The following COG4 variants were observed in gnomAD, a reference collection of about 807,000 sequenced individuals.
COG4 encodes the protein conserved oligomeric Golgi complex subunit 4.
Under a neutral mutation model 95.1 loss-of-function variants are expected in COG4, and 65 were observed. The ratio of observed to expected loss-of-function variants is 0.68; its 90% confidence interval spans 0.56 to 0.84. The LOEUF is 0.84. Ranked by LOEUF, COG4 falls within the 40% of genes least tolerant of loss-of-function variation. The pLI, the probability that COG4 is intolerant of heterozygous loss-of-function variation, is 0.00. For synonymous variants in COG4, 421 were observed against 374.8 expected (o/e 1.12, Z -1.42); for missense variants, 1,045 against 989.1 (o/e 1.06, Z -0.76).
intron 1 of COG4, among the ~76,000 whole-genome samples, chr16:70,519,947 A>G (rs537088985): frequency 8.5e-5 from 13 of 152,158 alleles, no homozygotes; most frequent in Non-Finnish European, 1.6e-4. Flanking sequence ...TGAGCACCAT[A>G]ATAGGAAGAA....
Position 70,497,231 on chromosome 16 carries a change from A to T in COG4, c.1471T>A (p.Ser491Thr). The T allele has an allele frequency of 1.2e-6, 2 of 1,614,072 alleles. No individual in the cohort carries two copies. The highest frequency in any genetic ancestry group is 1.7e-6 in the Non-Finnish European group (2 of 1,179,996). ...GGGAGTCAACTGTACCTGAAGTCAG[A>T]CTCCAGCTCTGTGGTGGCGAGGTTG... Reference protein sequence around the residue: ...MINLATTELESDFRDVLCNKL... With the variant: ...MINLATTELETDFRDVLCNKL... The change falls in exon 11 of 19, where the codon TCT (serine) becomes ACT (threonine). Residue 491 changes from serine to threonine, a missense_variant. Ser to Thr is a moderately conservative substitution (Grantham distance 58). Transcript: ENST00000323786.
Position 70,519,672 on chromosome 16 carries a change from C to G in COG4, c.231G>C (p.Lys77Asn), listed in dbSNP as rs1433304567. The stretch of plus-strand genomic sequence containing the variant: ...ACCCCATTCGGTGGAGAGTGACCAT[C>G]TTACTTTCAATGGTGTTTTGCTGTT... The part of the protein sequence containing the change: ...LLEQQNTIES[K>N]MVTLHRMGPN... Residue 77 changes from lysine (K) to asparagine (N), a missense_variant, in exon 2 of 19, where the codon AAG becomes AAC. Physicochemically the swap from Lys to Asn is moderately conservative, Grantham distance 94. Coordinates refer to ENST00000323786, the MANE Select transcript of COG4 (RefSeq NM_015386.3). The G allele has an allele frequency of 6.2e-7, 1 of 1,613,696 alleles. No individual in the cohort carries two copies. The highest frequency in any genetic ancestry group is 1.7e-5 in the Admixed American group (1 of 60,010).
At chr16:70,519,507 A>C in intron 2 of COG4, 142 bp downstream of exon 2, 1 of 701,860 alleles carries the variant, frequency 1.4e-6, no homozygotes, top group Non-Finnish European at 2.6e-6. Flanking sequence ...TAATACCCTT[A>C]GGTGTTCACT....
At chr16:70,500,169 C>T (rs895088268) in intron 9 of COG4, among the ~76,000 whole-genome samples, 1 of 151,452 alleles carries the variant, frequency 6.6e-6, no homozygotes, top group Admixed American at 6.6e-5. Context: ...AGGGTCTTGT[C>T]ATGTTGCCCA....
At position 70,482,719 on chromosome 16, in the gene COG4, C is replaced by T. The variant is rs2049023396; in HGVS notation, c.1920+10G>A. ...ATCGGGGCTTGATGGCTGCCTGTGG[C>T]CAGGCTAACCTCCTCGATGTTGTGG... is the stretch of plus-strand genomic sequence containing the variant. On this transcript the variant is annotated intron_variant, in intron 15 of 18. Coordinates refer to ENST00000323786, the MANE Select transcript of COG4 (RefSeq NM_015386.3). The T allele has an allele frequency of 8.1e-6, 13 of 1,611,118 alleles. No homozygotes were observed. Among genetic ancestry groups the T allele is most frequent in the Non-Finnish European group, 9.3e-6 (11 of 1,177,606 alleles).
In COG4 at chr16:70,517,687, G is replaced by A; in HGVS notation, c.308C>T (p.Thr103Ile). The change falls in exon 3 of 19, where the codon ACC becomes ATC. Residue 103 changes from threonine (T) to isoleucine (I), a missense_variant. Thr to Ile is a moderately conservative substitution (Grantham distance 89). Transcript: ENST00000323786. ...ATTCTCAGCCAGGTTGCAGGTAAAG[G>A]TGATCATTCCAGCCAGCTGCTTTGC... ...GDAKQLAGMI[T>I]FTCNLAENVS... is the part of the protein sequence containing the mutation. The A allele has an allele frequency of 1.2e-6, 2 of 1,613,630 alleles. No individual in the cohort carries two copies. The highest frequency in any genetic ancestry group is 8.5e-7 in the Non-Finnish European group (1 of 1,179,930).
intron 1 of COG4, among the ~76,000 whole-genome samples, chr16:70,520,471 C>CA (rs2049918094): frequency 8.9e-6 from 1 of 112,624 alleles, no homozygotes; most frequent in Non-Finnish European, 1.9e-5. Flanking sequence ...AAACAAAAAA[C>CA]AAAAAACAAA....
At chr16:70,493,504 T>C (rs1007621491) in intron 12 of COG4, among the ~76,000 whole-genome samples, 1 of 152,138 alleles carries the variant, frequency 6.6e-6, no homozygotes, top group Non-Finnish European at 1.5e-5. Flanking sequence ...GCCTGATATT[T>C]AGAAGTTTCT....
Position 70,483,755 on chromosome 16 carries a change from G to A in COG4, c.1827+98C>T, listed in dbSNP as rs867766646. 13 of 950,032 alleles carry A rather than the reference G, an allele frequency of 1.4e-5. 1 individual carries two copies. The highest frequency in any genetic ancestry group is 4.1e-4 in the Middle Eastern group (2 of 4,842). The allele number at this position is 950,032 out of a possible 1,614,324, so 58.9% of individuals were successfully genotyped here. ...GGGCTTGCGTGCTGCTCCCTCACCCGTCCTCCTGGCTTCCTTGCACACGAT... is the reference window on the plus strand; with the variant it reads ...GGGCTTGCGTGCTGCTCCCTCACCCATCCTCCTGGCTTCCTTGCACACGAT... On this transcript the variant is annotated intron_variant, in intron 14 of 18. Transcript: ENST00000323786.
At position 70,482,972 on chromosome 16, in the gene COG4, TCTCTCCTCTCCCCACCCCTTCC is replaced by T. The variant is rs1567720892; in HGVS notation, c.1828-173_1828-152del. ...TTCTCTCCTCTCCCCATTTCTTCCT[TCTCTCCTCTCCCCACCCCTTCC>T]CTCTCCTCTCCCTACCCCTTCCCTC... On this transcript the variant is annotated intron_variant, in intron 14 of 18. Coordinates refer to ENST00000323786, the MANE Select transcript of COG4 (RefSeq NM_015386.3). 3.0e-5 allele frequency: 18 copies of T among 596,302 alleles called. 1 individual carries two copies. The highest frequency in any genetic ancestry group is 2.0e-4 in the African/African-American group (9 of 44,382). The allele number at this position is 596,302 out of a possible 1,614,324, so 36.9% of individuals were successfully genotyped here. A position where few individuals can be genotyped will look rare whatever the true frequency, so the allele number is the denominator to read the frequency against.
At chr16:70,500,589 G>A (rs2049428471) in intron 9 of COG4, among the ~76,000 whole-genome samples, 1 of 151,662 alleles carries the variant, frequency 6.6e-6, no homozygotes, top group South Asian at 2.1e-4. Flanking sequence ...TCGAACTCCT[G>A]ACCTCCGGTA....
intron 3 of COG4, chr16:70,516,121 C>G (rs1597690187): frequency 2.2e-6 from 1 of 452,388 alleles, no homozygotes; most frequent in East Asian, 7.0e-5. Context: ...GTCCTTTTTT[C>G]TATTAATATG....
chr16:70,504,339 G>A (rs1050522923), intron 8 of COG4, among the ~76,000 whole-genome samples: 5 of 152,088 alleles, frequency 3.3e-5, no homozygotes, highest in African/African-American at 7.2e-5. Context: ...GGGTGCAGTC[G>A]TTCACGACTG....
chr16:70,509,056 A>G, intron 7 of COG4, 175 bp downstream of exon 7: 1 of 764,788 alleles, frequency 1.3e-6, no homozygotes, highest in Admixed American at 2.1e-5. Flanking sequence ...TCTCGACAAC[A>G]CCTCAAGTCC....
chr16:70,492,917 C>T (rs938930295), intron 12 of COG4, among the ~76,000 whole-genome samples: 4 of 152,182 alleles, frequency 2.6e-5, no homozygotes, highest in South Asian at 4.2e-4. Flanking sequence ...GAGCCAAGAT[C>T]GCGCCATTGC....
intron 17 of COG4, 61 bp downstream of exon 17, chr16:70,481,703 C>T (rs1165982456): frequency 4.8e-6 from 7 of 1,464,682 alleles, no homozygotes; most frequent in Non-Finnish European, 6.7e-6. Context: ...GGGGTGGTGG[C>T]ATGACATGTC....
chr16:70,509,734 G>C (rs2049658105), intron 6 of COG4, 182 bp downstream of exon 6: 2 of 643,306 alleles, frequency 3.1e-6, no homozygotes, highest in South Asian at 1.8e-5. Flanking sequence ...AAACACTGGA[G>C]AGACTCTAAT....
At chr16:70,512,970 C>T (rs1035482346) in intron 4 of COG4, among the ~76,000 whole-genome samples, 5 of 151,898 alleles carry the variant, frequency 3.3e-5, no homozygotes, top group African/African-American at 9.7e-5. Context: ...AGTGAGACTC[C>T]GTCTCAAAAA....
intron 8 of COG4, among the ~76,000 whole-genome samples, chr16:70,502,717 C>T (rs2049480390): frequency 1.3e-5 from 2 of 152,186 alleles, no homozygotes; most frequent in South Asian, 2.1e-4. Context: ...ATTCATTTAT[C>T]CTGATGAATA....
Sources: gnomAD v4.1 joint callset for allele counts (sites outside exome capture counted in the v4.1 genomes callset) on GRCh38, gnomAD v4.1.1 for gene constraint, MANE v1.5 for transcripts, NCBI Gene and HGNC (gene_info 2026-07-23, HGNC 2026-07-21) for gene names.